The following SLC12A7 variants were observed in gnomAD, a reference collection of about 807,000 sequenced individuals.
SLC12A7 encodes the protein K-Cl cotransporter 4.
Under a neutral mutation model 120.6 loss-of-function variants are expected in SLC12A7, and 100 were observed. The ratio of observed to expected loss-of-function variants is 0.83; its 90% CI spans 0.71 to 0.98. The LOEUF is 0.98. SLC12A7 is among the 50% of genes least tolerant of loss of function. The pLI is 0.00. For missense variants in SLC12A7, 1,373 were observed against 1,548.1 expected, an observed-to-expected ratio of 0.89 and a Z score of 1.90; for synonymous variants, 760 against 678.0, an observed-to-expected ratio of 1.12 and a Z score of -1.88.
At position 1,085,253 on chromosome 5, in the gene SLC12A7, G is replaced by C. The variant is rs764678222; in HGVS notation, c.896C>G (p.Ala299Gly). The C allele has an allele frequency of 1.9e-6, 3 of 1,612,626 alleles. No individual in the cohort carries two copies. In the South Asian group the frequency reaches 3.3e-5, roughly 18 times the overall value. Residue 299 changes from alanine (A) to glycine (G), a missense_variant, in exon 7 of 24, where the codon GCC becomes GGC. Coordinates refer to ENST00000264930, the MANE Select transcript of SLC12A7 (RefSeq NM_006598.3). ...LAIYAGVIKS[A>G]FDPPDIPVCL... ...TCACGGGATGTCCGGGGGGTCGAAG[G>C]CAGACTTGATGACGCCGGCATAGAT...
intron 6 of SLC12A7, 34 bp from the exon 7 acceptor site, chr5:1,085,507 CG>C: frequency 1.3e-6 from 2 of 1,551,634 alleles, no homozygotes; most frequent in Non-Finnish European, 8.7e-7. Flanking sequence ...AGGCCGTCCC[CG>C]GACACAACTC....
In SLC12A7 at chr5:1,085,240, C is replaced by CG; in HGVS notation, c.908dup (p.Asp304GlyfsTer50). 7 of 1,612,370 alleles carry CG rather than the reference C, an allele frequency of 4.3e-6. No individual in the cohort carries two copies. The highest frequency in any genetic ancestry group is 1.1e-5 in the South Asian group (1 of 91,004). ...GAGGCCCCGAGACTCACGGGATGTC[C>CG]GGGGGGTCGAAGGCAGACTTGATGA... On this transcript the variant is annotated frameshift_variant, in exon 7 of 24. Transcript: ENST00000264930. LOFTEE classifies it high-confidence loss of function.
chr5:1,093,509 C>CGGGGACTGGGT (rs765220219), intron 3 of SLC12A7, 24 bp downstream of exon 3: 32 of 1,567,164 alleles, frequency 2.0e-5, no homozygotes, highest in East Asian at 1.4e-4. Flanking sequence ...GGGGACTGGG[C>CGGGGACTGGGT]GGGCACGGGC....
the SLC12A7 span, among the ~76,000 whole-genome samples, chr5:1,141,455 TG>T: frequency 2.0e-5 from 1 of 49,678 alleles, no homozygotes; most frequent in Non-Finnish European, 6.1e-5. Flanking sequence ...ACAGCCGCCA[TG>T]GGCACCAGAG....
At chr5:1,052,594 G>A (rs1277591590) in intron 23 of SLC12A7, 143 bp from the exon 24 acceptor site, 10 of 675,920 alleles carry the variant, frequency 1.5e-5, no homozygotes, top group Non-Finnish European at 2.3e-5. Flanking sequence ...GAGAGGTGGG[G>A]ATTAGAGAGA....
In SLC12A7 at chr5:1,085,395, G is replaced by A. The variant is rs762241589; in HGVS notation, c.754C>T (p.Arg252Cys). ...ACGAGCGTGCACGTGCCGTACACAC[G>A]CATGTTGTGCAGCATGGCGGCCGCC... Reference protein sequence around the residue: ...GEAAAMLHNMRVYGTCTLVLM... With the variant: ...GEAAAMLHNMCVYGTCTLVLM... Residue 252 changes from arginine (R) to cysteine (C), a missense_variant, in exon 7 of 24, where the codon CGT becomes TGT. Arg to Cys is a radical substitution (Grantham distance 180). Coordinates refer to ENST00000264930, the MANE Select transcript of SLC12A7 (RefSeq NM_006598.3). 5.0e-6 allele frequency: 8 copies of A among 1,611,380 alleles called. No homozygotes were observed. The highest frequency in any genetic ancestry group is 1.3e-5 in the African/African-American group (1 of 74,908).
At chr5:1,141,995 C>A in the SLC12A7 span, among the ~76,000 whole-genome samples, 11 of 152,286 alleles carry the variant, frequency 7.2e-5, no homozygotes, top group African/African-American at 2.4e-4. Context: ...AGATACCCCT[C>A]TTCCCTGCAG....
chr5:1,084,446 T>C (rs956617695), intron 7 of SLC12A7, among the ~76,000 whole-genome samples: 4 of 152,108 alleles, frequency 2.6e-5, no homozygotes, highest in African/African-American at 9.7e-5. Flanking sequence ...ACAATCTCAG[T>C]GTCTGAGTTC....
chr5:1,145,395 T>C, the SLC12A7 span, among the ~76,000 whole-genome samples: 4 of 151,950 alleles, frequency 2.6e-5, no homozygotes, highest in Non-Finnish European at 4.4e-5. The surrounding 1 kb of genome is among the most constrained non-coding windows in gnomAD (Gnocchi z 4.4). Context: ...AAGCCCCGAG[T>C]GCCCAGCGGG....
intron 1 of SLC12A7, among the ~76,000 whole-genome samples, chr5:1,094,660 T>A (rs1233415601): frequency 6.6e-6 from 1 of 152,142 alleles, no homozygotes; most frequent in Non-Finnish European, 1.5e-5. Context: ...GCGTTGAAAA[T>A]CTCTCATTCA....
chr5:1,114,383 C>T (rs1023617373), upstream of SLC12A7, among the ~76,000 whole-genome samples: 20 of 152,168 alleles, frequency 1.3e-4, no homozygotes, highest in African/African-American at 4.8e-4. Flanking sequence ...TAAGCACCTG[C>T]GGGTCAAGAC....
At chr5:1,120,973 G>T in the SLC12A7 span, among the ~76,000 whole-genome samples, 5 of 152,208 alleles carry the variant, frequency 3.3e-5, no homozygotes, top group African/African-American at 4.8e-5. Context: ...GATGTGTGCT[G>T]CTCCCTGGGT....
the SLC12A7 span, among the ~76,000 whole-genome samples, chr5:1,131,478 G>A: frequency 6.6e-6 from 1 of 152,196 alleles, no homozygotes; most frequent in Non-Finnish European, 1.5e-5. Context: ...CGGCCGCCAC[G>A]CTGTCGGAAG....
the SLC12A7 span, among the ~76,000 whole-genome samples, chr5:1,152,513 G>A: frequency 2.0e-5 from 3 of 152,184 alleles, no homozygotes; most frequent in Non-Finnish European, 4.4e-5. Context: ...TACATCCTGT[G>A]GCAGAGAGAA....
In SLC12A7 at chr5:1,061,698, C is replaced by A. The variant is rs573456287; in HGVS notation, c.2740-1247G>T. ...GGTGCGGTGGCTCACACCTGTCATC[C>A]CAACACTTTGGGAGGCCGAGGCGGG... is the stretch of plus-strand genomic sequence containing the variant. On this transcript the variant is annotated intron_variant, in intron 20 of 23. Transcript: ENST00000264930. 2.5e-4 allele frequency among the ~76,000 whole-genome samples: 38 copies of A among 152,306 alleles called. 1 individual carries two copies. In the South Asian group the frequency reaches 4.6e-3, roughly 18 times the overall value.
chr5:1,069,372 G>A lies in SLC12A7; in HGVS notation c.2242-3894C>T, dbSNP rs151063174. ...CCCAGACCTGGACGGGCCTCAGTGCGGCTGTGGTTGTGCAGAGAAACGGAC... is the reference window on the plus strand; with the variant it reads ...CCCAGACCTGGACGGGCCTCAGTGCAGCTGTGGTTGTGCAGAGAAACGGAC... On this transcript the variant is annotated intron_variant, in intron 17 of 23. Transcript: ENST00000264930. 1.1e-3 allele frequency among the ~76,000 whole-genome samples: 161 copies of A among 152,356 alleles called. 2 individuals are homozygous for A. The highest frequency in any genetic ancestry group is 3.5e-3 in the African/African-American group (144 of 41,596).
chr5:1,141,750 G>A, the SLC12A7 span, among the ~76,000 whole-genome samples: 5 of 152,230 alleles, frequency 3.3e-5, no homozygotes, highest in African/African-American at 4.8e-5. Context: ...ATAGGACAGC[G>A]TGGACAAGGA....
In SLC12A7 at chr5:1,074,840, C is replaced by T. The variant is rs567037414; in HGVS notation, c.1968-169G>A. 133 of 643,196 alleles carry T rather than the reference C, an allele frequency of 2.1e-4. No homozygotes were observed. The Middle Eastern group carries it at 3.3e-3, about 16-fold the overall frequency. 39.8% of individuals were successfully genotyped at this position (643,196 alleles called of 1,614,324 possible). A position where few individuals can be genotyped will look rare whatever the true frequency, so the allele number is the denominator to read the frequency against. On this transcript the variant is annotated intron_variant, in intron 15 of 23. Transcript: ENST00000264930. ...GCCCACCCTTGCCCTGAAGGGAGCC[C>T]GTCCTAGGAGCCACCGGGTCAGAGG... is the stretch of plus-strand genomic sequence containing the variant.
intron 13 of SLC12A7, among the ~76,000 whole-genome samples, 190 bp from the exon 14 acceptor site, chr5:1,076,426 C>T (rs58214791): frequency 2.4e-4 from 36 of 151,122 alleles, no homozygotes; most frequent in African/African-American, 8.3e-4. Flanking sequence ...CATCCTGTGA[C>T]CACCTGGTCC....
Sources: gnomAD v4.1 joint callset for allele counts (sites outside exome capture counted in the v4.1 genomes callset) on GRCh38, gnomAD v4.1.1 for gene constraint, Gnocchi (gnomAD v3.1) non-coding constraint, MANE v1.5 for transcripts, NCBI Gene and HGNC (gene_info 2026-07-23, HGNC 2026-07-21) for gene names.